The following CT45A10 variants were observed in gnomAD, a reference collection of about 807,000 sequenced individuals.
CT45A10 encodes the protein cancer/testis antigen family 45 member A10.
In CT45A10, 19 loss-of-function variants were observed where a neutral mutation model predicts 8.3. The observed-to-expected ratio is 2.30, with a 90% CI of 1.61 to 3.38. The LOEUF is 3.38. CT45A10 is among the 30% of genes most tolerant of loss of function. CT45A10 has a pLI of 0.00. For synonymous variants in CT45A10, 28 were observed against 26.5 expected (o/e 1.06, Z -0.17); for missense variants, 149 against 85.9 (o/e 1.73, Z -2.90).
At chrX:135,889,177 G>C (rs193041856) in intron 1 of CT45A10, 18 of 516,255 alleles carry the variant, frequency 3.5e-5, no homozygotes, top group Middle Eastern at 1.2e-3. Flanking sequence ...TGACTCTGGC[G>C]CCCTCTGCAG....
At chrX:135,887,930 C>A (rs2088450698) in intron 1 of CT45A10, among the ~76,000 whole-genome samples, 1 of 108,132 alleles carries the variant, frequency 9.2e-6, no homozygotes. Flanking sequence ...ACTCCCATTC[C>A]CACACAGACA....
intron 1 of CT45A10, among the ~76,000 whole-genome samples, chrX:135,892,263 C>T (rs782332003): frequency 2.0e-4 from 22 of 111,130 alleles, no homozygotes; most frequent in African/African-American, 2.6e-4. Flanking sequence ...AATCAAAAAT[C>T]GATAAATTAA....
intron 1 of CT45A10, among the ~76,000 whole-genome samples, chrX:135,891,196 T>G (rs2088496704): frequency 1.8e-5 from 2 of 111,126 alleles, no homozygotes; most frequent in African/African-American, 6.5e-5. Flanking sequence ...TAGGCCAAGG[T>G]GTTTTTGATT....
At chrX:135,891,765 A>G (rs1174856877) in intron 1 of CT45A10, among the ~76,000 whole-genome samples, 3 of 111,471 alleles carry the variant, frequency 2.7e-5, no homozygotes, top group African/African-American at 9.8e-5. Flanking sequence ...GAATCTGTTC[A>G]TCTAAAACAC....
Position 135,883,312 on chromosome X carries a change from C to G in CT45A10, c.170-56G>C, listed in dbSNP as rs1212399575. 23 of 1,192,509 alleles carry G rather than the reference C, an allele frequency of 1.9e-5. No individual in the cohort carries two copies. In the African/African-American group the frequency reaches 2.5e-4, roughly 13 times the overall value. Reference sequence around the variant, plus strand: ...CAGTTGGTGTTTGACCACTTTCTTTCCCCTCCACATAAACCTCATGAATGA... The same window carrying G: ...CAGTTGGTGTTTGACCACTTTCTTTGCCCTCCACATAAACCTCATGAATGA... On this transcript the variant is annotated intron_variant, in intron 2 of 4. Transcript: ENST00000682849.
intron 1 of CT45A10, among the ~76,000 whole-genome samples, chrX:135,887,340 A>G (rs2088438480): frequency 2.0e-5 from 1 of 48,852 alleles, no homozygotes; most frequent in Non-Finnish European, 4.2e-5. Context: ...TTAAAATAAT[A>G]AAAAGCACTA....
In CT45A10 at chrX:135,883,317, C is replaced by G. The variant is rs1338371894; in HGVS notation, c.170-61G>C. 73 of 1,191,132 alleles carry G rather than the reference C, an allele frequency of 6.1e-5. No homozygotes were observed. The East Asian group carries it at 1.7e-3, about 28-fold the overall frequency. Reference sequence around the variant, plus strand: ...GGTGTTTGACCACTTTCTTTCCCCTCCACATAAACCTCATGAATGACAGAT... The same window carrying G: ...GGTGTTTGACCACTTTCTTTCCCCTGCACATAAACCTCATGAATGACAGAT... On this transcript the variant is annotated intron_variant, in intron 2 of 4. Coordinates refer to ENST00000682849, the MANE Select transcript of CT45A10 (RefSeq NM_001291529.2).
chrX:135,890,273 G>A (rs1325505363), intron 1 of CT45A10, among the ~76,000 whole-genome samples: 1 of 112,644 alleles, frequency 8.9e-6, no homozygotes, highest in Non-Finnish European at 1.9e-5. Context: ...CCCTTAGGCA[G>A]CTCATGCCTG....
intron 1 of CT45A10, among the ~76,000 whole-genome samples, chrX:135,889,654 C>CA (rs2088480519): frequency 9.1e-6 from 1 of 109,919 alleles, no homozygotes; most frequent in Non-Finnish European, 1.9e-5. Context: ...AGTCCAAGAC[C>CA]AGCATGGCCA....
In CT45A10 at chrX:135,883,152, C is replaced by T. The variant is rs1337490142; in HGVS notation, c.274G>A (p.Ala92Thr). The T allele has an allele frequency of 1.7e-6, 2 of 1,197,290 alleles. No individual in the cohort carries two copies. Among genetic ancestry groups the T allele is most frequent in the African/African-American group, 1.8e-5 (1 of 56,458 alleles). Reference protein sequence around the residue: ...DGMMQKPGSNAPVGGNVTSNF... With the variant: ...DGMMQKPGSNTPVGGNVTSNF... ...CTGGTAACGTTTCCTCCCACAGGTG[C>T]ATTGCTACCAGGTTTCTGCATCATC... The change falls in exon 3 of 5, where the codon GCA becomes ACA. Residue 92 changes from alanine (A) to threonine (T), a missense_variant. Physicochemically the swap from Ala to Thr is moderately conservative, Grantham distance 58. Transcript: ENST00000682849.
rs1428277528 is a variant in CT45A10, at chrX:135,883,242, G to C, written c.184C>G (p.His62Asp). Reference protein sequence around the residue: ...MSKEKKLMTGHAIPPSQLDSQ... With the variant: ...MSKEKKLMTGDAIPPSQLDSQ... ...TCCAATTGGCTGGGTGGAATAGCAT[G>C]TCCTGTCATAAGCTCTGGTGAAACA... Residue 62 changes from histidine (H) to aspartate (D), a missense_variant, in exon 3 of 5, where the codon CAT becomes GAT. By Grantham distance (81) the His-to-Asp change is moderately conservative. Coordinates refer to ENST00000682849, the MANE Select transcript of CT45A10 (RefSeq NM_001291529.2). 27 of 1,195,157 alleles carry C rather than the reference G, an allele frequency of 2.3e-5. 1 individual carries two copies. The highest frequency in any genetic ancestry group is 2.5e-5 in the Non-Finnish European group (22 of 885,378).
At chrX:135,890,291 G>C (rs2088488385) in intron 1 of CT45A10, among the ~76,000 whole-genome samples, 1 of 112,640 alleles carries the variant, frequency 8.9e-6, no homozygotes, top group Non-Finnish European at 1.9e-5. Flanking sequence ...CTGCCCTGTA[G>C]AGCATCCCTG....
At chrX:135,891,336 T>C (rs1026871172) in intron 1 of CT45A10, among the ~76,000 whole-genome samples, 2 of 108,424 alleles carry the variant, frequency 1.8e-5, no homozygotes, top group African/African-American at 3.3e-5. Flanking sequence ...TTACATATTA[T>C]ATAATGTATA....
intron 1 of CT45A10, among the ~76,000 whole-genome samples, chrX:135,889,977 C>T (rs781871002): frequency 2.9e-4 from 33 of 111,928 alleles, no homozygotes; most frequent in Non-Finnish European, 5.6e-4. Flanking sequence ...TGAAAAAAAG[C>T]ATTGTAAAAC....
At chrX:135,889,988 T>C (rs1443434854) in intron 1 of CT45A10, among the ~76,000 whole-genome samples, 1 of 112,137 alleles carries the variant, frequency 8.9e-6, no homozygotes, top group Admixed American at 9.4e-5. Context: ...ATTGTAAAAC[T>C]TATTGTTCTG....
rs1333454447 is a variant in CT45A10 at position 135,883,091 on chromosome X, A to T, written c.335T>A (p.Ile112Lys). 5.0e-6 allele frequency: 6 copies of T among 1,198,412 alleles called. 1 individual carries two copies. The East Asian group carries it at 1.8e-4, about 36-fold the overall frequency. The change falls in exon 3 of 5, where the codon ATA becomes AAA. Residue 112 changes from isoleucine to lysine, a missense_variant. By Grantham distance (102) the Ile-to-Lys change is moderately radical. Coordinates refer to ENST00000682849, the MANE Select transcript of CT45A10 (RefSeq NM_001291529.2). ...TTGTTGGCTTTTGGGAGAGGAGGCT[A>T]TTCCTCTGCATTCTAGGTCATCTCC... ...FSGDDLECRG[I>K]ASSPKSQQEI...
intron 1 of CT45A10, among the ~76,000 whole-genome samples, chrX:135,886,773 T>TTTC: frequency 1.2e-5 from 1 of 83,955 alleles, no homozygotes. Flanking sequence ...AGACATTTTT[T>TTTC]TTTTTTTGAG....
Position 135,883,325 on chromosome X carries a change from A to G in CT45A10, c.170-69T>C, listed in dbSNP as rs1440883866. The G allele has an allele frequency of 2.5e-6, 3 of 1,188,665 alleles. No homozygotes were observed. In the African/African-American group the frequency reaches 5.3e-5, roughly 21 times the overall value. ...ACCACTTTCTTTCCCCTCCACATAA[A>G]CCTCATGAATGACAGATCTGGAAAT... On this transcript the variant is annotated intron_variant, in intron 2 of 4. Coordinates refer to ENST00000682849, the MANE Select transcript of CT45A10 (RefSeq NM_001291529.2).
intron 1 of CT45A10, among the ~76,000 whole-genome samples, chrX:135,891,868 TG>T (rs782560803): frequency 2.7e-5 from 3 of 111,767 alleles, no homozygotes; most frequent in Non-Finnish European, 5.6e-5. Context: ...CCTGTGTGCA[TG>T]TGTGTACAAC....
Sources: allele counts gnomAD v4.1 joint callset (sites outside exome capture counted in the v4.1 genomes callset), GRCh38; gene constraint gnomAD v4.1.1; transcripts MANE v1.5; gene names NCBI Gene and HGNC (gene_info 2026-07-23, HGNC 2026-07-21).